Variants in RFXANK observed in about 807,000 individuals in gnomAD.
The protein encoded by RFXANK is regulatory factor X associated ankyrin containing protein.
In RFXANK, 19 loss-of-function variants were observed where a neutral mutation model predicts 34.5. The ratio of observed to expected loss-of-function variants is 0.55; its 90% CI spans 0.38 to 0.81. The LOEUF is 0.81. Among genes scored for constraint, RFXANK ranks in the 30% least tolerant of loss-of-function variants. The pLI, the probability that RFXANK is intolerant of heterozygous loss-of-function variation, is 0.00. For missense variants in RFXANK, 295 were observed against 343.5 expected (o/e 0.86, Z 1.12); for synonymous variants, 154 against 149.8 (o/e 1.03, Z -0.20).
At position 19,197,505 on chromosome 19, in the gene RFXANK, C is replaced by T. The variant is rs566960303; in HGVS notation, c.338-16C>T. On this transcript the variant is annotated splice_polypyrimidine_tract_variant and intron_variant, in intron 5 of 9. Coordinates refer to ENST00000303088, the MANE Select transcript of RFXANK (RefSeq NM_003721.4). ...AGGGGTGCAGCCTGGTGGTATTGCCCGCCTCCTCCTGCCAGGTGACAACCT... is the reference window on the plus strand; with the variant it reads ...AGGGGTGCAGCCTGGTGGTATTGCCTGCCTCCTCCTGCCAGGTGACAACCT... The T allele has an allele frequency of 2.7e-5, 43 of 1,612,356 alleles. No individual in the cohort carries two copies. Among genetic ancestry groups the T allele is most frequent in the Admixed American group, 5.0e-5 (3 of 59,846 alleles).
rs2060498052 is a variant in RFXANK at position 19,192,394 on chromosome 19, C to T, written c.-310C>T. On this transcript the variant is annotated 5_prime_UTR_variant, in exon 1 of 10. Transcript: ENST00000303088. The stretch of plus-strand genomic sequence containing the variant: ...CAGGAGAGGGGGAAGAACTCTCTCC[C>T]TTTCTGAACCCCCTTTTCCTTGAGA... 1 of 559,178 alleles carries T rather than the reference C, an allele frequency of 1.8e-6. No homozygotes were observed. Among genetic ancestry groups the T allele is most frequent in the Non-Finnish European group, 3.2e-6 (1 of 312,440 alleles). 34.6% of individuals were successfully genotyped at this position (559,178 alleles called of 1,614,324 possible). A position where few individuals can be genotyped will look rare whatever the true frequency, so the allele number is the denominator to read the frequency against.
chr19:19,194,219 G>A (rs896662036), intron 3 of RFXANK, 86 bp downstream of exon 3: 20 of 1,443,802 alleles, frequency 1.4e-5, no homozygotes, highest in Admixed American at 3.4e-5. Flanking sequence ...TCTTGCTTTC[G>A]TTTTTGTTTT....
chr19:19,200,175 C>CTT (rs978912398), intron 9 of RFXANK, among the ~76,000 whole-genome samples: 49 of 120,362 alleles, frequency 4.1e-4, no homozygotes, highest in African/African-American at 6.3e-4. Flanking sequence ...TTTGTTGTTG[C>CTT]TTTTTTTTTT....
intron 3 of RFXANK, 39 bp downstream of exon 3, chr19:19,194,172 A>G: frequency 1.9e-6 from 3 of 1,592,938 alleles, no homozygotes; most frequent in Non-Finnish European, 2.6e-6. Flanking sequence ...CTGGGATTCC[A>G]TGATGATGGA....
chr19:19,194,520 G>A (rs2060562506), intron 3 of RFXANK, among the ~76,000 whole-genome samples: 1 of 152,172 alleles, frequency 6.6e-6, no homozygotes, highest in Non-Finnish European at 1.5e-5. Context: ...ACAGGCATGA[G>A]CCACTGTGCC....
At chr19:19,197,720 G>C (rs943636577) in intron 6 of RFXANK, 99 bp downstream of exon 6, 10 of 1,098,352 alleles carry the variant, frequency 9.1e-6, no homozygotes, top group Non-Finnish European at 1.2e-5. Flanking sequence ...TTTGAGATGC[G>C]GCTGCTGGCT....
intron 3 of RFXANK, among the ~76,000 whole-genome samples, chr19:19,196,561 C>CAA (rs34326473): frequency 3.4e-5 from 4 of 116,234 alleles, no homozygotes; most frequent in African/African-American, 3.1e-5. Context: ...GACTCTGTCT[C>CAA]AAAAAAAAAA....
chr19:19,201,343 G>C, intron 9 of RFXANK: 1 of 881,634 alleles, frequency 1.1e-6, no homozygotes. Context: ...CTCCCAAAGT[G>C]CTGGGATTAT....
chr19:19,201,498 G>A (rs1221798451), intron 9 of RFXANK, 151 bp from the exon 10 acceptor site: 17 of 1,594,894 alleles, frequency 1.1e-5, no homozygotes, highest in Admixed American at 1.7e-5. Flanking sequence ...GGTTCCTGGG[G>A]TGAGTCCTCG....
At chr19:19,201,247 T>A (rs1220361055) in intron 9 of RFXANK, among the ~76,000 whole-genome samples, 2 of 152,176 alleles carry the variant, frequency 1.3e-5, no homozygotes, top group South Asian at 2.1e-4. Flanking sequence ...GCCTAATTTT[T>A]AAATTTTTTT....
chr19:19,196,895 G>A, intron 3 of RFXANK, 68 bp from the exon 4 acceptor site: 4 of 1,379,608 alleles, frequency 2.9e-6, no homozygotes, highest in Non-Finnish European at 4.1e-6. Context: ...AAAAACAGAT[G>A]GGCTTCTGTC....
chr19:19,198,904 G>T, intron 8 of RFXANK, 181 bp downstream of exon 8: 3 of 775,680 alleles, frequency 3.9e-6, no homozygotes, highest in South Asian at 1.5e-5. Context: ...CGGGAGTCGG[G>T]GTCTGGGTTT....
rs1300551779 is a variant in RFXANK, at chr19:19,196,971, T to C, written c.196T>C (p.Ser66Pro). Residue 66 changes from serine to proline, a missense_variant, in exon 4 of 10, where the codon TCC becomes CCC. Coordinates refer to ENST00000303088, the MANE Select transcript of RFXANK (RefSeq NM_003721.4). ...TGTTGTCTGTTTCCCAGCAGGCAGC[T>C]CCCTGAAGCACTCCACCACTCTCAC... ...ASVSSPQAGS[S>P]LKHSTTLTNR... is the part of the protein sequence containing the mutation. 6.2e-7 allele frequency: 1 copy of C among 1,612,182 alleles called. No individual in the cohort carries two copies. Among genetic ancestry groups the C allele is most frequent in the South Asian group, 1.1e-5 (1 of 91,078 alleles).
chr19:19,197,851 A>T (rs1368837904), intron 6 of RFXANK, among the ~76,000 whole-genome samples: 1 of 152,104 alleles, frequency 6.6e-6, no homozygotes, highest in Non-Finnish European at 1.5e-5. Context: ...CTCTACTAAA[A>T]AAATACAAAA....
chr19:19,193,893 CTG>C lies in RFXANK; in HGVS notation c.-8-44_-8-43del, dbSNP rs1319091516. ...GCAGTCGGTGCCTACTTTATTATAACTGTTGATAATTATTGTCATCTCTCCCC... is the reference window on the plus strand; with the variant it reads ...GCAGTCGGTGCCTACTTTATTATAACTTGATAATTATTGTCATCTCTCCCC... On this transcript the variant is annotated intron_variant, in intron 2 of 9. Coordinates refer to ENST00000303088, the MANE Select transcript of RFXANK (RefSeq NM_003721.4). 9.4e-6 allele frequency: 15 copies of C among 1,600,706 alleles called. No individual in the cohort carries two copies. In the Admixed American group the frequency reaches 2.2e-4, roughly 23 times the overall value.
At chr19:19,194,563 G>C (rs529178891) in intron 3 of RFXANK, among the ~76,000 whole-genome samples, 1 of 151,984 alleles carries the variant, frequency 6.6e-6, no homozygotes, top group Non-Finnish European at 1.5e-5. Context: ...ACAGGGTCTC[G>C]CTCTGTTACT....
chr19:19,194,389 C>T (rs1177260074), intron 3 of RFXANK, among the ~76,000 whole-genome samples: 3 of 152,166 alleles, frequency 2.0e-5, no homozygotes, highest in Non-Finnish European at 4.4e-5. Flanking sequence ...TCCGCCACTA[C>T]GCCCAGCTAA....
chr19:19,197,301 GC>G, intron 5 of RFXANK, 50 bp downstream of exon 5: 1 of 1,580,798 alleles, frequency 6.3e-7, no homozygotes, highest in Non-Finnish European at 8.7e-7. Context: ...GCTGGTGTGT[GC>G]ATATGGGTGT....
chr19:19,198,013 A>G lies in RFXANK; in HGVS notation c.439-94A>G, dbSNP rs567044816. 51 of 218,584 alleles carry G rather than the reference A, an allele frequency of 2.3e-4. No homozygotes were observed. In the East Asian group the frequency reaches 6.3e-3, roughly 27 times the overall value. The allele number at this position is 218,584 out of a possible 1,614,324, so 13.5% of individuals were successfully genotyped here. The stretch of plus-strand genomic sequence containing the variant: ...GGCAACAGAGCAAGACTCTATCTCC[A>G]AAAAAAAAAAAAAAGATGCGGCTGC... On this transcript the variant is annotated intron_variant, in intron 6 of 9. Coordinates refer to ENST00000303088, the MANE Select transcript of RFXANK (RefSeq NM_003721.4).
Sources: gnomAD v4.1 joint callset for allele counts (sites outside exome capture counted in the v4.1 genomes callset) on GRCh38, gnomAD v4.1.1 for gene constraint, MANE v1.5 for transcripts, NCBI Gene and HGNC (gene_info 2026-07-23, HGNC 2026-07-21) for gene names.